ATXN8OS: variants seen among roughly 807,000 people sequenced by gnomAD.
The protein encoded by ATXN8OS is ATXN8 opposite strand lncRNA, also known as ATXN8 opposite strand (non-protein coding).
intron 2 of ATXN8OS, among the ~76,000 whole-genome samples, chr13:70,115,545 G>C (rs9599551): frequency 7.9e-5 from 12 of 151,918 alleles, no homozygotes; most frequent in African/African-American, 2.9e-4. Context: ...TGGTTTTTTT[G>C]GGGGGGCAAC....
At chr13:70,128,710 T>C (rs1350299488) in intron 2 of ATXN8OS, among the ~76,000 whole-genome samples, 1 of 152,130 alleles carries the variant, frequency 6.6e-6, no homozygotes, top group Non-Finnish European at 1.5e-5. Flanking sequence ...GTGTTTATTT[T>C]TTTTGTATAC....
intron 2 of ATXN8OS, among the ~76,000 whole-genome samples, chr13:70,128,179 A>C (rs561647055): frequency 6.6e-6 from 1 of 152,250 alleles, no homozygotes; most frequent in East Asian, 1.9e-4. Context: ...TTAAAACTTG[A>C]TTTACCTGAA....
chr13:70,110,418 A>C lies in ATXN8OS; in HGVS notation n.240+2399A>C, dbSNP rs183187355. 1.1e-4 allele frequency among the ~76,000 whole-genome samples: 16 copies of C among 152,226 alleles called. No homozygotes were observed. The East Asian group carries it at 3.1e-3, about 29-fold the overall frequency. ...TTAAATTACGCATGAAGTTATGTTA[A>C]ACTGAAATGACTGACAAAGATGATT... On this transcript the variant is annotated intron_variant and non_coding_transcript_variant, in intron 1 of 4. Transcript: ENST00000678624.
At chr13:70,147,604 T>C (rs1426077352) in intron 4 of ATXN8OS, among the ~76,000 whole-genome samples, 1 of 152,210 alleles carries the variant, frequency 6.6e-6, no homozygotes, top group Non-Finnish European at 1.5e-5. Context: ...TACTCATTTA[T>C]TCTTCCTTAT....
At chr13:70,131,672 A>C in intron 3 of ATXN8OS, 1 of 395,338 alleles carries the variant, frequency 2.5e-6, no homozygotes, top group African/African-American at 2.1e-5. Flanking sequence ...TTCTCTGGCC[A>C]ACCCAGACTA....
At chr13:70,139,429 C>A in intron 3 of ATXN8OS, 1 of 770,110 alleles carries the variant, frequency 1.3e-6, no homozygotes, top group Non-Finnish European at 2.1e-6. Context: ...GCTGCTGCTG[C>A]ATTTTTTAAA....
intron 4 of ATXN8OS, among the ~76,000 whole-genome samples, chr13:70,150,839 C>T (rs1888856427): frequency 1.3e-5 from 2 of 152,054 alleles, no homozygotes; most frequent in African/African-American, 2.4e-5. Context: ...CAAAACTTGT[C>T]ATATTCATTT....
At chr13:70,141,813 T>C (rs1250904108) in intron 3 of ATXN8OS, among the ~76,000 whole-genome samples, 1 of 152,050 alleles carries the variant, frequency 6.6e-6, no homozygotes, top group African/African-American at 2.4e-5. Context: ...AAATAGAATG[T>C]TTCAGAAGGT....
At chr13:70,171,504 T>C (rs2137510928) in exon 5 of ATXN8OS, among the ~76,000 whole-genome samples, 1 of 152,238 alleles carries the variant, frequency 6.6e-6, no homozygotes, top group South Asian at 2.1e-4. Flanking sequence ...AGTACATTTG[T>C]TTATGTCAGC....
chr13:70,123,190 T>C (rs1888385976), intron 2 of ATXN8OS, among the ~76,000 whole-genome samples: 1 of 152,070 alleles, frequency 6.6e-6, no homozygotes. Context: ...ATAGAAAATA[T>C]TACTGAAGTT....
intron 4 of ATXN8OS, among the ~76,000 whole-genome samples, chr13:70,169,708 A>C (rs1026674567): frequency 2.0e-5 from 3 of 152,100 alleles, no homozygotes; most frequent in Non-Finnish European, 4.4e-5. Flanking sequence ...CATCTGTTGA[A>C]TGCATACTCC....
At chr13:70,137,652 T>A (rs1463495344) in intron 3 of ATXN8OS, among the ~76,000 whole-genome samples, 1 of 152,188 alleles carries the variant, frequency 6.6e-6, no homozygotes, top group Non-Finnish European at 1.5e-5. Context: ...ACTTCAGCAA[T>A]GATACTGTTT....
chr13:70,123,117 G>C (rs1214624700), intron 2 of ATXN8OS, among the ~76,000 whole-genome samples: 1 of 151,922 alleles, frequency 6.6e-6, no homozygotes, highest in East Asian at 1.9e-4. Flanking sequence ...AATTCTCCAT[G>C]ATAAATACAT....
chr13:70,143,097 A>G (rs1888739064), intron 3 of ATXN8OS, among the ~76,000 whole-genome samples: 1 of 150,798 alleles, frequency 6.6e-6, no homozygotes, highest in South Asian at 2.1e-4. Context: ...AATGTACATG[A>G]CATTTACAAA....
intron 3 of ATXN8OS, among the ~76,000 whole-genome samples, chr13:70,140,258 T>A (rs943497744): frequency 6.6e-6 from 1 of 151,722 alleles, no homozygotes; most frequent in Non-Finnish European, 1.5e-5. Flanking sequence ...CTGTCAACAA[T>A]AAGTTATTTA....
At chr13:70,150,742 G>A (rs2137498705) in intron 4 of ATXN8OS, among the ~76,000 whole-genome samples, 1 of 152,142 alleles carries the variant, frequency 6.6e-6, no homozygotes, top group Non-Finnish European at 1.5e-5. Flanking sequence ...ACACATTGAT[G>A]GAGTATATTT....
At chr13:70,107,653 C>A, upstream of ATXN8OS, 1 of 1,546,800 alleles carries the variant, frequency 6.5e-7, no homozygotes, top group South Asian at 1.3e-5. Context: ...CCAGCGGAGT[C>A]GCAGAATGTG....
chr13:70,115,067 T>A (rs1888254679), intron 1 of ATXN8OS: 1 of 395,364 alleles, frequency 2.5e-6, no homozygotes, highest in Non-Finnish European at 4.5e-6. Context: ...GGTGTGTTAG[T>A]CCCTTTTGTG....
chr13:70,114,107 A>T (rs1010961206), intron 1 of ATXN8OS, among the ~76,000 whole-genome samples: 6 of 152,234 alleles, frequency 3.9e-5, no homozygotes, highest in Non-Finnish European at 8.8e-5. Flanking sequence ...TTATTACTAG[A>T]AGTAAATTGG....
Sources: allele counts gnomAD v4.1 joint callset (sites outside exome capture counted in the v4.1 genomes callset), GRCh38; gene constraint gnomAD v4.1.1; transcripts MANE v1.5; gene names NCBI Gene and HGNC (gene_info 2026-07-23, HGNC 2026-07-21).